KALRN: variants seen among roughly 807,000 people sequenced by gnomAD.
KALRN encodes the protein kalirin RhoGEF kinase, also known as kalirin.
Under a neutral mutation model 353.7 loss-of-function variants are expected in KALRN, and 70 were observed. That is an observed-to-expected ratio of 0.20 (90% CI 0.16 to 0.24). The LOEUF is 0.24. Among genes scored for constraint, KALRN ranks in the 10% least tolerant of loss-of-function variants. The probability of loss-of-function intolerance (pLI) is 1.00; values close to 1 mark genes in which losing one functional copy is unlikely to be tolerated. For missense variants in KALRN, 2,791 were observed against 3,756.7 expected, an observed-to-expected ratio of 0.74 and a Z score of 6.72; for synonymous variants, 1,391 against 1,434.8, an observed-to-expected ratio of 0.97 and a Z score of 0.69.
chr3:124,314,534 TAA>T (rs2078619984), intron 6 of KALRN, among the ~76,000 whole-genome samples: 1 of 152,124 alleles, frequency 6.6e-6, no homozygotes, highest in South Asian at 2.1e-4. Flanking sequence ...GGGTAATTTA[TAA>T]AGAGGTTTGT....
Position 124,657,478 on chromosome 3 carries a change from G to A in KALRN, c.5893G>A (p.Val1965Ile). 6.2e-7 allele frequency: 1 copy of A among 1,613,884 alleles called. No individual in the cohort carries two copies. Among genetic ancestry groups the A allele is most frequent in the Non-Finnish European group, 8.5e-7 (1 of 1,179,792 alleles). The change falls in exon 40 of 60, where the codon GTC (valine) becomes ATC (isoleucine). Residue 1965 changes from valine to isoleucine, a missense_variant. Physicochemically the swap from Val to Ile is conservative, Grantham distance 29. Around this residue, in one of 11 missense-constraint regions of KALRN, gnomAD observed 1,065 missense variants for 1,156.4 expected, o/e 0.92. Transcript: ENST00000682506. The part of the protein sequence containing the change: ...GFMKRIEEKG[V>I]PEDMRGKDKI... ...CATGAAGAGAATAGAAGAAAAGGGT[G>A]TCCCTGAGGATATGCGAGGAAAGGA...
intron 37 of KALRN, among the ~76,000 whole-genome samples, chr3:124,640,323 G>A (rs1328117687): frequency 7.6e-6 from 1 of 131,222 alleles, no homozygotes; most frequent in African/African-American, 2.9e-5. Flanking sequence ...GTCTCACTCT[G>A]TCGCCCAGGC....
At chr3:124,407,166 T>C (rs1365217567) in intron 13 of KALRN, among the ~76,000 whole-genome samples, 1 of 152,064 alleles carries the variant, frequency 6.6e-6, no homozygotes, top group African/African-American at 2.4e-5. Flanking sequence ...ATTTGAGAAA[T>C]GGAAACGAAA....
At chr3:124,523,924 C>T (rs1351817513) in intron 33 of KALRN, among the ~76,000 whole-genome samples, 1 of 152,232 alleles carries the variant, frequency 6.6e-6, no homozygotes, top group Non-Finnish European at 1.5e-5. Flanking sequence ...TCTAAATCTG[C>T]TCTCATCTGT....
chr3:124,542,408 C>A (rs1395371238), intron 33 of KALRN, among the ~76,000 whole-genome samples: 1 of 152,146 alleles, frequency 6.6e-6, no homozygotes, highest in African/African-American at 2.4e-5. Context: ...CTATGAAGCA[C>A]CACACCCACG....
At chr3:124,367,385 C>T (rs1468193604) in intron 10 of KALRN, among the ~76,000 whole-genome samples, 1 of 44,094 alleles carries the variant, frequency 2.3e-5, no homozygotes, top group African/African-American at 1.0e-4. Context: ...CCTCACCTCC[C>T]GGACGGGGCG....
chr3:124,670,963 G>A (rs909966098), intron 47 of KALRN, among the ~76,000 whole-genome samples: 21 of 151,910 alleles, frequency 1.4e-4, no homozygotes, highest in African/African-American at 4.8e-4. Context: ...CATCTCTCCC[G>A]ACCTCACCAC....
At chr3:124,430,258 AGTT>A (rs2093209926) in intron 15 of KALRN, among the ~76,000 whole-genome samples, 1 of 152,228 alleles carries the variant, frequency 6.6e-6, no homozygotes, top group Non-Finnish European at 1.5e-5. Flanking sequence ...GATTTCCATA[AGTT>A]GTTGTTATTT....
rs145348474 is a variant in KALRN at position 124,664,661 on chromosome 3, G to A, written c.6346-1788G>A. Among the ~76,000 whole-genome samples, 564 of 152,260 alleles carry A rather than the reference G, an allele frequency of 3.7e-3. 2 individuals carry two copies. Among genetic ancestry groups the A allele is most frequent in the Middle Eastern group, 0.014 (4 of 294 alleles). On this transcript the variant is annotated intron_variant, in intron 45 of 59. Coordinates refer to ENST00000682506, the MANE Select transcript of KALRN (RefSeq NM_001388419.1). The stretch of plus-strand genomic sequence containing the variant: ...CCTGACCTGGTGATCCGCCGGCCTT[G>A]GCCTCCCAAAGTGCTAGGATTACAG...
intron 23 of KALRN, among the ~76,000 whole-genome samples, chr3:124,456,993 A>G (rs1247375369): frequency 6.6e-6 from 1 of 152,084 alleles, no homozygotes; most frequent in Non-Finnish European, 1.5e-5. Flanking sequence ...TTACTTCACA[A>G]TGTCAAAACT....
chr3:124,136,497 C>A (rs148659688), intron 1 of KALRN, among the ~76,000 whole-genome samples: 201 of 152,228 alleles, frequency 1.3e-3, no homozygotes, highest in African/African-American at 4.6e-3. Context: ...GGTCCCCCCC[C>A]CATTGATTGG....
intron 8 of KALRN, among the ~76,000 whole-genome samples, chr3:124,330,528 T>C (rs1054556846): frequency 3.3e-5 from 5 of 152,086 alleles, no homozygotes; most frequent in Non-Finnish European, 7.4e-5. Flanking sequence ...GTAAGAAGCT[T>C]CCATGAATGT....
intron 48 of KALRN, among the ~76,000 whole-genome samples, chr3:124,673,988 A>C (rs73195564): frequency 0.028 from 4,242 of 152,260 alleles, 81 homozygotes; most frequent in East Asian, 0.079. Flanking sequence ...CTGACATGAC[A>C]CTTGCCCTGA....
Position 124,054,166 on chromosome 3 carries a change from T to C in KALRN, c.73+20353T>C, listed in dbSNP as rs555739713. Reference sequence around the variant, plus strand: ...GATGGCTGCATATGAGAGGCTTGGGTTTTTTCAGCATCAGCTGCAGTACCA... The same window carrying C: ...GATGGCTGCATATGAGAGGCTTGGGCTTTTTCAGCATCAGCTGCAGTACCA... On this transcript the variant is annotated intron_variant, in intron 1 of 59. Transcript: ENST00000682506. 2.6e-5 allele frequency among the ~76,000 whole-genome samples: 4 copies of C among 151,828 alleles called. No homozygotes were observed. The East Asian group carries it at 7.8e-4, about 30-fold the overall frequency.
At chr3:124,628,531 T>C in intron 34 of KALRN, among the ~76,000 whole-genome samples, 1 of 101,526 alleles carries the variant, frequency 9.8e-6, no homozygotes, top group Non-Finnish European at 2.1e-5. Context: ...TTTCCTTCCT[T>C]CCTTCCTTTC....
intron 48 of KALRN, 139 bp downstream of exon 48, chr3:124,672,037 C>T: frequency 1.4e-6 from 1 of 709,458 alleles, no homozygotes; most frequent in South Asian, 1.7e-5. Flanking sequence ...CAACCTCCGC[C>T]TCCCAGGTTC....
chr3:124,123,418 C>T (rs1165397564), intron 1 of KALRN, among the ~76,000 whole-genome samples: 2 of 152,190 alleles, frequency 1.3e-5, no homozygotes, highest in Non-Finnish European at 2.9e-5. Flanking sequence ...GCCTAATCCA[C>T]AGCAAAGCAC....
chr3:124,177,719 T>C (rs1579008320), intron 1 of KALRN, among the ~76,000 whole-genome samples: 2 of 152,110 alleles, frequency 1.3e-5, no homozygotes, highest in South Asian at 4.2e-4. Context: ...TTGGTAGGGG[T>C]CATAAGGAGT....
chr3:124,238,244 A>AG (rs2080030266), intron 3 of KALRN, among the ~76,000 whole-genome samples: 1 of 151,276 alleles, frequency 6.6e-6, no homozygotes, highest in African/African-American at 2.4e-5. Context: ...AGAAAAAAAA[A>AG]CAACAAAAAA....
Sources: allele counts gnomAD v4.1 joint callset (sites outside exome capture counted in the v4.1 genomes callset), GRCh38; gene constraint gnomAD v4.1.1; regional missense constraint gnomAD v4.1.1; transcripts MANE v1.5; gene names NCBI Gene and HGNC (gene_info 2026-07-23, HGNC 2026-07-21).